The following POTEJ variants were observed in gnomAD, a reference collection of about 807,000 sequenced individuals.
POTEJ encodes POTE ankyrin domain family, member J.
In POTEJ, 11 loss-of-function variants were observed where a neutral mutation model predicts 69.0. The ratio of observed to expected loss-of-function variants is 0.16; its 90% confidence interval spans 0.10 to 0.26. The LOEUF (loss-of-function observed/expected upper bound fraction) is 0.26. Ranked by LOEUF, POTEJ falls within the 10% of genes least tolerant of loss-of-function variation. The pLI is 1.00. For missense variants in POTEJ, 327 were observed against 1,045.5 expected, an observed-to-expected ratio of 0.31 and a Z score of 9.48; for synonymous variants, 117 against 381.1, an observed-to-expected ratio of 0.31 and a Z score of 8.07.
rs1368686285 is a variant in POTEJ, at chr2:130,656,894, C to T, written c.2134C>T (p.Gln712Ter). Residue 712 changes from glutamine to a stop codon, truncating the protein, a stop_gained, in exon 15 of 15, where the codon CAG (glutamine) becomes TAG (stop). Transcript: ENST00000409602. LOFTEE classifies it high-confidence loss of function. Reference sequence around the variant, plus strand: ...GCAGGGCATGATGGGGGGCATGCATCAGAAAGAGTCCTATGTGGGCAAGGA... The same window carrying T: ...GCAGGGCATGATGGGGGGCATGCATTAGAAAGAGTCCTATGTGGGCAAGGA... ...RQQGMMGGMH[Q>*]KESYVGKEAQ... is the part of the protein sequence containing the mutation. The T allele has an allele frequency of 1.9e-6, 3 of 1,602,514 alleles. No individual in the cohort carries two copies. In the South Asian group the frequency reaches 3.3e-5, roughly 18 times the overall value.
intron 1 of POTEJ, among the ~76,000 whole-genome samples, chr2:130,615,750 A>T (rs1685390633): frequency 6.7e-6 from 1 of 149,192 alleles, no homozygotes; most frequent in Non-Finnish European, 1.5e-5. Context: ...CGGCACATGT[A>T]TCCCTGAATG....
intron 5 of POTEJ, among the ~76,000 whole-genome samples, chr2:130,622,448 T>C (rs938485829): frequency 4.0e-5 from 4 of 99,706 alleles, no homozygotes; most frequent in African/African-American, 1.8e-4. Context: ...TAGCAGATAT[T>C]AGGTGGGCTT....
intron 10 of POTEJ, among the ~76,000 whole-genome samples, chr2:130,643,141 ATCAGT>A (rs1396210424): frequency 4.8e-5 from 7 of 146,572 alleles, no homozygotes; most frequent in African/African-American, 1.3e-4. Flanking sequence ...CAGTAGAAAA[ATCAGT>A]AAAGTACTAA....
At chr2:130,623,802 T>C (rs1285000684) in intron 5 of POTEJ, among the ~76,000 whole-genome samples, 1 of 135,716 alleles carries the variant, frequency 7.4e-6, no homozygotes, top group Non-Finnish European at 1.6e-5. Flanking sequence ...GTTGGGACAC[T>C]TTCTATTATG....
Position 130,631,458 on chromosome 2 carries a change from A to G in POTEJ, c.1131+5A>G. The G allele has an allele frequency of 1.6e-6, 1 of 613,124 alleles. No individual in the cohort carries two copies. Among genetic ancestry groups the G allele is most frequent in the Non-Finnish European group, 2.6e-6 (1 of 388,754 alleles). 38.0% of individuals were successfully genotyped at this position (613,124 alleles called of 1,614,324 possible). A position where few individuals can be genotyped will look rare whatever the true frequency, so the allele number is the denominator to read the frequency against. ...AATAAGGATGGTGATAGAGAGGTAT[A>G]CCTTCATATTCAAATGTTTCTGTTG... is the stretch of plus-strand genomic sequence containing the variant. On this transcript the variant is annotated splice_donor_5th_base_variant and intron_variant, in intron 8 of 14. Coordinates refer to ENST00000409602, the MANE Select transcript of POTEJ (RefSeq NM_001277083.2).
At chr2:130,636,415 G>A (rs1008506228) in intron 9 of POTEJ, among the ~76,000 whole-genome samples, 6 of 144,378 alleles carry the variant, frequency 4.2e-5, no homozygotes, top group African/African-American at 7.7e-5. Context: ...TGACATCAAC[G>A]CTGTTAACCT....
intron 13 of POTEJ, among the ~76,000 whole-genome samples, chr2:130,649,979 T>A (rs1241259115): frequency 6.6e-6 from 1 of 152,176 alleles, no homozygotes; most frequent in Admixed American, 6.5e-5. Flanking sequence ...ACCAGCACAA[T>A]TCCTAGCCCA....
At position 130,624,739 on chromosome 2, in the gene POTEJ, G is replaced by T. The variant is rs1482642174; in HGVS notation, c.1015+605G>T. Among the ~76,000 whole-genome samples, 7 of 152,116 alleles carry T rather than the reference G, an allele frequency of 4.6e-5. No homozygotes were observed. The South Asian group carries it at 8.3e-4, about 18-fold the overall frequency. On this transcript the variant is annotated intron_variant, in intron 6 of 14. Coordinates refer to ENST00000409602, the MANE Select transcript of POTEJ (RefSeq NM_001277083.2). ...AAAAAAGTAAAAGTAAGGAATTTTT[G>T]ATCACAAAAGAACACTGAAGCACAA...
At chr2:130,613,344 A>G (rs1268564578) in intron 1 of POTEJ, among the ~76,000 whole-genome samples, 36 of 130,902 alleles carry the variant, frequency 2.8e-4, no homozygotes, top group African/African-American at 1.0e-3. Flanking sequence ...ATACATATAT[A>G]TGTGTGTGTA....
At chr2:130,637,683 T>C (rs1433880346) in intron 9 of POTEJ, among the ~76,000 whole-genome samples, 1 of 152,278 alleles carries the variant, frequency 6.6e-6, no homozygotes, top group South Asian at 2.1e-4. Flanking sequence ...ATATTGTTAG[T>C]ATGTATGTTA....
In POTEJ at chr2:130,632,051, C is replaced by T. The variant is rs942461637; in HGVS notation, c.1132-439C>T. Among the ~76,000 whole-genome samples the T allele has an allele frequency of 4.8e-5, 7 of 145,046 alleles. 1 individual carries two copies. The highest frequency in any genetic ancestry group is 1.9e-4 in the East Asian group (1 of 5,192). On this transcript the variant is annotated intron_variant, in intron 8 of 14. Coordinates refer to ENST00000409602, the MANE Select transcript of POTEJ (RefSeq NM_001277083.2). ...CAAACTTCCTTTCTATTCCTGAAGC[C>T]GCACAGTGTGTCATCCTCTAAATCT...
chr2:130,648,093 G>A (rs1365186549), intron 13 of POTEJ, among the ~76,000 whole-genome samples: 1 of 147,594 alleles, frequency 6.8e-6, no homozygotes. Context: ...CCTAGAATTG[G>A]CTGATTTTTA....
intron 10 of POTEJ, among the ~76,000 whole-genome samples, chr2:130,643,470 T>A (rs547459063): frequency 7.4e-6 from 1 of 134,888 alleles, no homozygotes; most frequent in Admixed American, 7.6e-5. Context: ...AGTGAGCTGA[T>A]CATGCCACTG....
At chr2:130,641,201 T>C (rs1686358185) in intron 10 of POTEJ, among the ~76,000 whole-genome samples, 1 of 152,120 alleles carries the variant, frequency 6.6e-6, no homozygotes, top group Non-Finnish European at 1.5e-5. Flanking sequence ...TTTCCTGGGA[T>C]TGATGGGAGA....
At chr2:130,628,808 T>C (rs1209572156) in intron 6 of POTEJ, among the ~76,000 whole-genome samples, 2 of 149,604 alleles carry the variant, frequency 1.3e-5, no homozygotes. Flanking sequence ...GATCACAAGG[T>C]CAAAAGATCA....
At chr2:130,626,596 A>C (rs1319452466) in intron 6 of POTEJ, among the ~76,000 whole-genome samples, 2 of 152,118 alleles carry the variant, frequency 1.3e-5, no homozygotes, top group Non-Finnish European at 2.9e-5. Flanking sequence ...TTTATTTACA[A>C]AACCATAAGG....
Position 130,635,006 on chromosome 2 carries a change from C to T in POTEJ, c.1298+2350C>T, listed in dbSNP as rs1292384833. Among the ~76,000 whole-genome samples, 11 of 149,328 alleles carry T rather than the reference C, an allele frequency of 7.4e-5. No homozygotes were observed. In the South Asian group the frequency reaches 1.0e-3, roughly 14 times the overall value. On this transcript the variant is annotated intron_variant, in intron 9 of 14. Transcript: ENST00000409602. ...CCAGTGGAGGGCGTCTCCTCCCTAA[C>T]GGCGTCTTCACTTGGCTTTCAGGAC...
intron 10 of POTEJ, among the ~76,000 whole-genome samples, chr2:130,643,705 A>G (rs1686481731): frequency 9.0e-6 from 1 of 110,856 alleles, no homozygotes; most frequent in African/African-American, 3.3e-5. Context: ...TGTATTTTAA[A>G]GCTGTGTTTC....
At chr2:130,650,014 A>C (rs1254576838) in intron 13 of POTEJ, among the ~76,000 whole-genome samples, 2 of 152,254 alleles carry the variant, frequency 1.3e-5, no homozygotes, top group Admixed American at 6.5e-5. Flanking sequence ...AATGAAAAAA[A>C]AGAGAGATAA....
Sources: gnomAD v4.1 joint callset for allele counts (sites outside exome capture counted in the v4.1 genomes callset) on GRCh38, gnomAD v4.1.1 for gene constraint, MANE v1.5 for transcripts, NCBI Gene and HGNC (gene_info 2026-07-23, HGNC 2026-07-21) for gene names.